Variants in NRG3 observed in about 807,000 individuals in gnomAD.
NRG3 encodes neuregulin 3, also known as pro-neuregulin-3, membrane-bound isoform.
Under a neutral mutation model 66.9 loss-of-function variants are expected in NRG3, and 31 were observed. That is an observed-to-expected ratio of 0.46 (90% CI 0.35 to 0.63). The LOEUF (loss-of-function observed/expected upper bound fraction) is 0.63. Among genes scored for constraint, NRG3 ranks in the 20% least tolerant of loss-of-function variants. NRG3 has a pLI of 0.00. For missense variants in NRG3, 910 were observed against 878.9 expected, an observed-to-expected ratio of 1.04 and a Z score of -0.45; for synonymous variants, 393 against 359.4, an observed-to-expected ratio of 1.09 and a Z score of -1.06.
chr10:82,102,693 T>A (rs932111644), intron 1 of NRG3, among the ~76,000 whole-genome samples: 1 of 151,976 alleles, frequency 6.6e-6, no homozygotes, highest in Non-Finnish European at 1.5e-5. Context: ...TACATAAATA[T>A]ACATTTCTAA....
intron 1 of NRG3, among the ~76,000 whole-genome samples, chr10:82,187,480 C>A (rs2073874712): frequency 1.3e-5 from 2 of 152,104 alleles, no homozygotes; most frequent in African/African-American, 4.8e-5. Flanking sequence ...CACTTATGTC[C>A]TGAAACTATT....
chr10:82,586,668 TG>T (rs2133266159), intron 2 of NRG3, among the ~76,000 whole-genome samples: 1 of 152,344 alleles, frequency 6.6e-6, no homozygotes, highest in Admixed American at 6.5e-5. Context: ...TCTTAACTGG[TG>T]ATCAATTAGA....
intron 1 of NRG3, among the ~76,000 whole-genome samples, chr10:82,217,709 G>A (rs1235792599): frequency 6.6e-6 from 1 of 150,526 alleles, no homozygotes; most frequent in Non-Finnish European, 1.5e-5. Context: ...AGTATGGCCT[G>A]TGTGCTCCCA....
intron 1 of NRG3, among the ~76,000 whole-genome samples, chr10:82,049,969 G>C (rs2063512908): frequency 6.6e-6 from 1 of 152,012 alleles, no homozygotes; most frequent in Non-Finnish European, 1.5e-5. Context: ...TTGTAGAACA[G>C]AATATGTTTC....
intron 2 of NRG3, among the ~76,000 whole-genome samples, chr10:82,573,932 G>T: frequency 6.6e-6 from 1 of 151,788 alleles, no homozygotes; most frequent in Admixed American, 6.6e-5. Context: ...AAGAAGAAGT[G>T]CAGGAATTTC....
intron 1 of NRG3, among the ~76,000 whole-genome samples, chr10:82,064,556 C>T (rs2064346085): frequency 6.6e-6 from 1 of 152,076 alleles, no homozygotes; most frequent in East Asian, 1.9e-4. Context: ...GAGTAGCTAA[C>T]TAAATTAGAT....
chr10:81,875,692 C>T lies in NRG3; in HGVS notation c.352C>T (p.Pro118Ser), dbSNP rs1841551727. Residue 118 changes from proline (P) to serine (S), a missense_variant, in exon 1 of 9, where the codon CCC (proline) becomes TCC (serine). Transcript: ENST00000372141. The surrounding 1 kb of genome is among the most constrained non-coding windows in gnomAD (Gnocchi z 5.3). ...CCAGGACCCCTTCTTCCTCTCCAAG[C>T]CCAGCTCTTTCCCCAAGGCCATGGA... ...MGQDPFFLSK[P>S]SSFPKAMETT... The T allele has an allele frequency of 6.2e-7, 1 of 1,613,922 alleles. No individual in the cohort carries two copies.
At chr10:82,931,817 C>T (rs1847607858) in intron 4 of NRG3, among the ~76,000 whole-genome samples, 1 of 152,166 alleles carries the variant, frequency 6.6e-6, no homozygotes, top group Non-Finnish European at 1.5e-5. Flanking sequence ...TCCCTTTCAG[C>T]TTCCTCAGGT....
Position 82,678,374 on chromosome 10 carries a change from C to A in NRG3, c.954-60203C>A, listed in dbSNP as rs1010051410. Reference sequence around the variant, plus strand: ...CAGTCAAAGGGGGTTGTTCTCTGGCCGGCAGGGGTGGGGGTCACAAGATGC... The same window carrying A: ...CAGTCAAAGGGGGTTGTTCTCTGGCAGGCAGGGGTGGGGGTCACAAGATGC... On this transcript the variant is annotated intron_variant, in intron 2 of 8. Transcript: ENST00000372141. Among the ~76,000 whole-genome samples the A allele has an allele frequency of 3.3e-5, 5 of 151,658 alleles. No individual in the cohort carries two copies. The East Asian group carries it at 9.7e-4, about 29-fold the overall frequency.
At chr10:82,769,808 A>T (rs2135158980) in intron 3 of NRG3, among the ~76,000 whole-genome samples, 1 of 152,254 alleles carries the variant, frequency 6.6e-6, no homozygotes, top group Admixed American at 6.6e-5. Flanking sequence ...ATATAACCAA[A>T]TATAACATTT....
At chr10:82,009,077 T>G (rs1168463925) in intron 1 of NRG3, among the ~76,000 whole-genome samples, 2 of 152,218 alleles carry the variant, frequency 1.3e-5, no homozygotes, top group Admixed American at 1.3e-4. Context: ...CAGCTAATTA[T>G]GTAGATGTAT....
intron 4 of NRG3, among the ~76,000 whole-genome samples, chr10:82,922,320 A>G (rs1167015724): frequency 6.6e-6 from 1 of 152,124 alleles, no homozygotes; most frequent in African/African-American, 2.4e-5. Context: ...TTCTCCTGAG[A>G]GTATAGAATG....
chr10:82,798,725 G>A (rs777845988), intron 3 of NRG3, among the ~76,000 whole-genome samples: 48 of 152,280 alleles, frequency 3.2e-4, no homozygotes, highest in East Asian at 1.5e-3. Context: ...AAGAGTTCTC[G>A]AAACATCTGC....
At chr10:82,326,852 G>T (rs774074190) in intron 1 of NRG3, among the ~76,000 whole-genome samples, 29 of 152,220 alleles carry the variant, frequency 1.9e-4, no homozygotes, top group Middle Eastern at 3.4e-3. Flanking sequence ...TTTGCCAAAT[G>T]AATTAAATTC....
intron 1 of NRG3, among the ~76,000 whole-genome samples, chr10:82,297,068 G>A (rs75753602): frequency 0.023 from 3,492 of 152,166 alleles, 54 homozygotes; most frequent in Middle Eastern, 0.068. Flanking sequence ...AATTCACATA[G>A]GACACTGGCC....
rs552071755 is a variant in NRG3 at position 82,869,723 on chromosome 10, T to A, written c.1054+4286T>A. Among the ~76,000 whole-genome samples the A allele has an allele frequency of 2.6e-5, 4 of 152,004 alleles. No individual in the cohort carries two copies. The South Asian group carries it at 6.2e-4, about 24-fold the overall frequency. On this transcript the variant is annotated intron_variant, in intron 4 of 8. Coordinates refer to ENST00000372141, the MANE Select transcript of NRG3 (RefSeq NM_001010848.4). ...CAGGGGTTCACGCCATTCTCCTGCC[T>A]CAGCCTCCCGAGTAGCTGGGACTAC...
intron 1 of NRG3, among the ~76,000 whole-genome samples, chr10:81,920,188 A>T (rs1379635101): frequency 6.6e-6 from 1 of 152,106 alleles, no homozygotes; most frequent in Non-Finnish European, 1.5e-5. Flanking sequence ...CACGCTGGGA[A>T]AAGGAGGGCT....
intron 1 of NRG3, among the ~76,000 whole-genome samples, chr10:82,043,582 T>C (rs1038976875): frequency 6.6e-6 from 1 of 151,960 alleles, no homozygotes; most frequent in Non-Finnish European, 1.5e-5. Context: ...GTGAATATAT[T>C]TGGAGTATTT....
chr10:82,817,050 G>C (rs2061740851), intron 3 of NRG3, among the ~76,000 whole-genome samples: 1 of 152,192 alleles, frequency 6.6e-6, no homozygotes, highest in African/African-American at 2.4e-5. Context: ...ATCAGTTTTG[G>C]TTTTAAATTC....
Sources: allele counts gnomAD v4.1 joint callset (sites outside exome capture counted in the v4.1 genomes callset), GRCh38; gene constraint gnomAD v4.1.1; non-coding constraint Gnocchi (gnomAD v3.1); transcripts MANE v1.5; gene names NCBI Gene and HGNC (gene_info 2026-07-23, HGNC 2026-07-21).